The following TRAT1 variants were observed in gnomAD, a reference collection of about 807,000 sequenced individuals.
TRAT1 encodes T cell receptor associated transmembrane adaptor 1.
Under a neutral mutation model 20.0 loss-of-function variants are expected in TRAT1, and 20 were observed. The observed-to-expected ratio is 1.00, with a 90% CI of 0.70 to 1.45. TRAT1 has a LOEUF of 1.45. Ranked by LOEUF, TRAT1 falls within the 40% of genes most tolerant of loss-of-function variation. The probability of loss-of-function intolerance (pLI) is 0.00; values close to 1 mark genes in which losing one functional copy is unlikely to be tolerated. For missense variants in TRAT1, 237 were observed against 224.1 expected (o/e 1.06, Z -0.37); for synonymous variants, 77 against 74.2 (o/e 1.04, Z -0.20).
chr3:108,836,214 G>A (rs910969063), intron 2 of TRAT1, among the ~76,000 whole-genome samples: 5 of 152,086 alleles, frequency 3.3e-5, no homozygotes, highest in South Asian at 2.1e-4. Flanking sequence ...CACCGTGCCC[G>A]GCCAGAGTTA....
chr3:108,824,538 GCT>G (rs1945719626), intron 1 of TRAT1, among the ~76,000 whole-genome samples: 1 of 152,068 alleles, frequency 6.6e-6, no homozygotes, highest in East Asian at 1.9e-4. Context: ...GACCTCTTTT[GCT>G]TAATTAGTAT....
At chr3:108,845,486 A>G (rs1483944525) in intron 3 of TRAT1, among the ~76,000 whole-genome samples, 1 of 152,218 alleles carries the variant, frequency 6.6e-6, no homozygotes, top group Middle Eastern at 3.2e-3. Flanking sequence ...TCCCAATATT[A>G]AGCTGTATTG....
intron 1 of TRAT1, among the ~76,000 whole-genome samples, chr3:108,829,794 G>T (rs549441977): frequency 6.6e-6 from 1 of 152,254 alleles, no homozygotes; most frequent in South Asian, 2.1e-4. Flanking sequence ...GCCCATTGTA[G>T]AAAAGTAGAG....
intron 1 of TRAT1, among the ~76,000 whole-genome samples, chr3:108,828,026 A>G (rs1945757486): frequency 6.6e-6 from 1 of 152,178 alleles, no homozygotes. Flanking sequence ...TGGAAAGGAG[A>G]AAGCAAAACT....
At chr3:108,840,791 A>G (rs1318949088) in intron 3 of TRAT1, among the ~76,000 whole-genome samples, 1 of 152,232 alleles carries the variant, frequency 6.6e-6, no homozygotes, top group African/African-American at 2.4e-5. Context: ...AATGAGTTAC[A>G]TAAAGTGAGC....
chr3:108,841,499 T>C (rs1945896284), intron 3 of TRAT1, among the ~76,000 whole-genome samples: 2 of 152,078 alleles, frequency 1.3e-5, no homozygotes, highest in Admixed American at 1.3e-4. Context: ...AGGTCTATGT[T>C]TCTCGGGTGG....
At chr3:108,844,822 T>A (rs543281899) in intron 3 of TRAT1, among the ~76,000 whole-genome samples, 37 of 115,932 alleles carry the variant, frequency 3.2e-4, no homozygotes, top group South Asian at 5.1e-4. Context: ...CCAGCCTGGG[T>A]GACAGAGAGA....
At chr3:108,843,295 G>T (rs910139846) in intron 3 of TRAT1, among the ~76,000 whole-genome samples, 1 of 152,148 alleles carries the variant, frequency 6.6e-6, no homozygotes. Context: ...ACTTTGGGAG[G>T]CCGAGGCAGG....
At chr3:108,825,035 A>G (rs1945723678) in intron 1 of TRAT1, among the ~76,000 whole-genome samples, 1 of 152,214 alleles carries the variant, frequency 6.6e-6, no homozygotes, top group Non-Finnish European at 1.5e-5. Flanking sequence ...CACAGAAGAG[A>G]TGCAAAGACA....
chr3:108,841,718 C>T (rs1464402405), intron 3 of TRAT1, among the ~76,000 whole-genome samples: 1 of 152,124 alleles, frequency 6.6e-6, no homozygotes, highest in Non-Finnish European at 1.5e-5. Context: ...ACGTCAGAAA[C>T]ATGATCACTT....
At chr3:108,843,416 G>A (rs899683017) in intron 3 of TRAT1, among the ~76,000 whole-genome samples, 10 of 152,168 alleles carry the variant, frequency 6.6e-5, no homozygotes, top group African/African-American at 2.4e-4. Context: ...TGTAGTCCCA[G>A]CTACTTGGGA....
intron 5 of TRAT1, 34 bp from the exon 6 acceptor site, chr3:108,853,586 C>G (rs1946016727): frequency 6.3e-7 from 1 of 1,598,890 alleles, no homozygotes; most frequent in Non-Finnish European, 8.5e-7. Flanking sequence ...AAAGAACAGA[C>G]TAACAATGAA....
chr3:108,843,558 A>G (rs1269704223), intron 3 of TRAT1, among the ~76,000 whole-genome samples: 1 of 148,568 alleles, frequency 6.7e-6, no homozygotes, highest in South Asian at 2.1e-4. Flanking sequence ...TAAACAAAAC[A>G]ACAACAACAA....
intron 4 of TRAT1, among the ~76,000 whole-genome samples, chr3:108,847,652 C>T (rs116101941): frequency 2.6e-5 from 4 of 152,060 alleles, no homozygotes; most frequent in African/African-American, 4.8e-5. Flanking sequence ...ATGTAATAAG[C>T]GCTCTTCAGT....
At chr3:108,839,005 T>C in intron 3 of TRAT1, 38 bp downstream of exon 3, 2 of 1,502,352 alleles carry the variant, frequency 1.3e-6, no homozygotes, top group Non-Finnish European at 1.9e-6. Flanking sequence ...GATTCCCAAC[T>C]AATAAGCAAA....
Position 108,854,012 on chromosome 3 carries a change from C to T in TRAT1, c.*135C>T, listed in dbSNP as rs1576527463. On this transcript the variant is annotated 3_prime_UTR_variant, in exon 6 of 6. Transcript: ENST00000295756. ...ATTTGTTGATGGGATGGTGGCTTAC[C>T]TCTTATTCACAGCTTACACTTATGC... The T allele has an allele frequency of 1.3e-6, 1 of 770,896 alleles. No individual in the cohort carries two copies. The highest frequency in any genetic ancestry group is 2.2e-6 in the Non-Finnish European group (1 of 461,398). 47.8% of individuals were successfully genotyped at this position (770,896 alleles called of 1,614,324 possible).
chr3:108,845,628 G>A (rs767693112), intron 3 of TRAT1, among the ~76,000 whole-genome samples: 1 of 151,868 alleles, frequency 6.6e-6, no homozygotes, highest in East Asian at 1.9e-4. Flanking sequence ...TAATACCTAC[G>A]TACTATTTAC....
At position 108,841,313 on chromosome 3, in the gene TRAT1, T is replaced by C. The variant is rs574550501; in HGVS notation, c.152+2346T>C. 2.8e-4 allele frequency among the ~76,000 whole-genome samples: 43 copies of C among 152,362 alleles called. 1 individual carries two copies. The highest frequency in any genetic ancestry group is 1.0e-3 in the African/African-American group (42 of 41,586). On this transcript the variant is annotated intron_variant, in intron 3 of 5. Transcript: ENST00000295756. ...ATTTTTTTCTATAAAAAAGCGTTGA[T>C]ATTTTAATTCACAAGTTTATGTATA...
intron 5 of TRAT1, among the ~76,000 whole-genome samples, chr3:108,852,467 T>C (rs1946006718): frequency 6.6e-6 from 1 of 152,118 alleles, no homozygotes; most frequent in South Asian, 2.1e-4. Context: ...TGGCAGAGAA[T>C]ATAAAATGTT....
Sources: gnomAD v4.1 joint callset for allele counts (sites outside exome capture counted in the v4.1 genomes callset) on GRCh38, gnomAD v4.1.1 for gene constraint, MANE v1.5 for transcripts, NCBI Gene and HGNC (gene_info 2026-07-23, HGNC 2026-07-21) for gene names.